Variants in SNX14 observed in about 807,000 individuals in gnomAD.
SNX14 encodes sorting nexin-14.
In SNX14, 93 loss-of-function variants were observed where a neutral mutation model predicts 133.8. That is an observed-to-expected ratio of 0.70 (90% CI 0.59 to 0.83). The LOEUF (loss-of-function observed/expected upper bound fraction) is 0.83. SNX14 is among the 40% of genes least tolerant of loss of function. The pLI is 0.00. For synonymous variants in SNX14, 368 were observed against 365.6 expected, an observed-to-expected ratio of 1.01 and a Z score of -0.07; for missense variants, 945 against 1,094.9, an observed-to-expected ratio of 0.86 and a Z score of 1.93.
intron 26 of SNX14, among the ~76,000 whole-genome samples, chr6:85,511,088 C>A (rs1293169015): frequency 6.6e-6 from 1 of 152,004 alleles, no homozygotes; most frequent in Non-Finnish European, 1.5e-5. Context: ...TCTTTGATTT[C>A]TTTAATTAAA....
chr6:85,506,042 A>G (rs1236785990), intron 28 of SNX14, 37 bp from the exon 29 acceptor site: 1 of 1,378,116 alleles, frequency 7.3e-7, no homozygotes, highest in Non-Finnish European at 1.0e-6. Context: ...AGAAGACAAG[A>G]CACAGGTTCA....
At position 85,526,136 on chromosome 6, in the gene SNX14, A is replaced by T; in HGVS notation, c.2097T>A (p.Asp699Glu). ...TTTAAATTGACTTACCAAGATTTAC[A>T]TCTGGTAGTATCTTATCAAGAAATT... ...ETQFLDKILPDVNLGKIIKSV... is the reference protein window; with the variant it reads ...ETQFLDKILPEVNLGKIIKSV... Residue 699 changes from aspartate (D) to glutamate (E), a missense_variant, in exon 21 of 29, where the codon GAT becomes GAA. Physicochemically the swap from Asp to Glu is conservative, Grantham distance 45 (BLOSUM62 2). Around this residue, in one of 3 missense-constraint regions of SNX14, gnomAD observed 412 missense variants for 516.6 expected, o/e 0.80. Transcript: ENST00000314673. 6.4e-7 allele frequency: 1 copy of T among 1,568,966 alleles called. No homozygotes were observed. The highest frequency in any genetic ancestry group is 8.7e-7 in the Non-Finnish European group (1 of 1,152,462).
chr6:85,539,060 CTT>C (rs1202676151), intron 15 of SNX14, among the ~76,000 whole-genome samples, 196 bp from the exon 16 acceptor site: 1 of 152,106 alleles, frequency 6.6e-6, no homozygotes, highest in South Asian at 2.1e-4. Flanking sequence ...ACATAGCTGT[CTT>C]TTGTGTTTGG....
rs188828882 is a variant in SNX14, at chr6:85,556,114, G to A, written c.634+1862C>T. Among the ~76,000 whole-genome samples, 270 of 152,276 alleles carry A rather than the reference G, an allele frequency of 1.8e-3. 4 individuals carry two copies. Among genetic ancestry groups the A allele is most frequent in the African/African-American group, 6.4e-3 (265 of 41,542 alleles). On this transcript the variant is annotated intron_variant, in intron 7 of 28. Coordinates refer to ENST00000314673, the MANE Select transcript of SNX14 (RefSeq NM_153816.6). ...ATGTAAGATGTTAATACTAGGAAAA[G>A]GTGAGAGTACATGAGAACTCACTGT... is the stretch of plus-strand genomic sequence containing the variant.
intron 17 of SNX14, among the ~76,000 whole-genome samples, chr6:85,536,064 A>T (rs1405040843): frequency 6.6e-6 from 1 of 152,172 alleles, no homozygotes; most frequent in Non-Finnish European, 1.5e-5. Context: ...CGTAACTTGA[A>T]ATACATTATG....
At chr6:85,548,986 AAAG>A (rs1417949831) in intron 8 of SNX14, among the ~76,000 whole-genome samples, 5 of 84,564 alleles carry the variant, frequency 5.9e-5, no homozygotes, top group Admixed American at 1.5e-4. Flanking sequence ...TAAAAAAAAA[AAAG>A]AAAGAAAGAA....
At chr6:85,568,946 C>G (rs1431431422) in intron 4 of SNX14, among the ~76,000 whole-genome samples, 3 of 151,900 alleles carry the variant, frequency 2.0e-5, no homozygotes, top group African/African-American at 7.3e-5. Flanking sequence ...ATTTTATATC[C>G]TAAGTAGTGC....
At position 85,505,697 on chromosome 6, in the gene SNX14, C is replaced by T. The variant is rs1770383633; in HGVS notation, c.*270G>A. ...TATCAGTCTTATCTGTTTGCCATAACATCATTATGAATTTTCTCTTTTAAA... is the reference window on the plus strand; with the variant it reads ...TATCAGTCTTATCTGTTTGCCATAATATCATTATGAATTTTCTCTTTTAAA... On this transcript the variant is annotated 3_prime_UTR_variant, in exon 29 of 29. Transcript: ENST00000314673. 2.4e-6 allele frequency: 1 copy of T among 409,456 alleles called. No homozygotes were observed. The highest frequency in any genetic ancestry group is 5.2e-5 in the East Asian group (1 of 19,218). The allele number at this position is 409,456 out of a possible 1,614,324, so 25.4% of individuals were successfully genotyped here. A position where few individuals can be genotyped will look rare whatever the true frequency, so the allele number is the denominator to read the frequency against.
In SNX14 at chr6:85,529,923, C is replaced by G. The variant is rs1294536415; in HGVS notation, c.1894+269G>C. On this transcript the variant is annotated intron_variant, in intron 19 of 28. Coordinates refer to ENST00000314673, the MANE Select transcript of SNX14 (RefSeq NM_153816.6). ...GAACGAAAAAGAGTAAATAGAGAAC[C>G]CTTTCTAAAATATAGTTTTAAAATA... Among the ~76,000 whole-genome samples the G allele has an allele frequency of 2.0e-5, 3 of 151,668 alleles. No homozygotes were observed. The East Asian group carries it at 5.8e-4, about 29-fold the overall frequency.
intron 6 of SNX14, among the ~76,000 whole-genome samples, chr6:85,560,179 C>T (rs1164955704): frequency 6.6e-6 from 1 of 152,072 alleles, no homozygotes; most frequent in Non-Finnish European, 1.5e-5. Flanking sequence ...CAAAAAAAAA[C>T]TTGTATACAA....
chr6:85,543,131 C>T, intron 14 of SNX14, 51 bp downstream of exon 14: 1 of 1,412,644 alleles, frequency 7.1e-7, no homozygotes, highest in Admixed American at 2.7e-5. Context: ...ATCAAAGCTA[C>T]TATTAAATTA....
At chr6:85,571,842 T>C (rs1795718933) in intron 4 of SNX14, among the ~76,000 whole-genome samples, 1 of 152,242 alleles carries the variant, frequency 6.6e-6, no homozygotes, top group African/African-American at 2.4e-5. Flanking sequence ...CTTTTGGAAT[T>C]ACAAAATGAT....
intron 1 of SNX14, among the ~76,000 whole-genome samples, chr6:85,588,227 G>A (rs1030700041): frequency 6.6e-6 from 1 of 152,098 alleles, no homozygotes; most frequent in South Asian, 2.1e-4. Context: ...AGGTTGCAGT[G>A]AGCCAAGATC....
intron 15 of SNX14, among the ~76,000 whole-genome samples, 157 bp from the exon 16 acceptor site, chr6:85,539,021 G>A (rs1423025556): frequency 6.6e-6 from 1 of 152,140 alleles, no homozygotes; most frequent in East Asian, 1.9e-4. Context: ...AAATCTTCAT[G>A]AATAAGGTGA....
At chr6:85,545,056 G>T (rs1377005272) in intron 12 of SNX14, among the ~76,000 whole-genome samples, 1 of 152,152 alleles carries the variant, frequency 6.6e-6, no homozygotes, top group African/African-American at 2.4e-5. Flanking sequence ...AGGCAGGAGA[G>T]GATGCTCTGA....
At chr6:85,550,478 C>T (rs1179954485) in intron 7 of SNX14, among the ~76,000 whole-genome samples, 1 of 152,116 alleles carries the variant, frequency 6.6e-6, no homozygotes, top group Non-Finnish European at 1.5e-5. Flanking sequence ...CAAAAACTAT[C>T]TTACTCAAAA....
At position 85,572,181 on chromosome 6, in the gene SNX14, G is replaced by T. The variant is rs1166768318; in HGVS notation, c.373C>A (p.Leu125Ile). The T allele has an allele frequency of 1.9e-6, 3 of 1,613,718 alleles. No homozygotes were observed. The highest frequency in any genetic ancestry group is 4.5e-5 in the East Asian group (2 of 44,818). Reference protein sequence around the residue: ...SLLLENYQPWLDLKISSKVDA... With the variant: ...SLLLENYQPWIDLKISSKVDA... ...ACCTTGGAAGAAATTTTCAGGTCTA[G>T]CCATGGCTGGTAGTTTTCAAGTAGC... The change falls in exon 4 of 29, where the codon CTA becomes ATA. Residue 125 changes from leucine (L) to isoleucine (I), a missense_variant. By Grantham distance (5) the Leu-to-Ile change is conservative. This residue lies in a region of SNX14 where 514 missense variants were observed against 538.8 expected (regional missense o/e 0.95). Transcript: ENST00000314673.
chr6:85,570,580 C>G lies in SNX14; in HGVS notation c.417+1557G>C, dbSNP rs115156657. Among the ~76,000 whole-genome samples, 6 of 152,122 alleles carry G rather than the reference C, an allele frequency of 3.9e-5. No homozygotes were observed. The South Asian group carries it at 6.2e-4, about 16-fold the overall frequency. ...ATAAAAAATGAGATACTTGTCCAGG[C>G]GCAGTGGCTGACTCCTATACTACCA... is the stretch of plus-strand genomic sequence containing the variant. On this transcript the variant is annotated intron_variant, in intron 4 of 28. Transcript: ENST00000314673.
intron 7 of SNX14, among the ~76,000 whole-genome samples, chr6:85,551,527 A>C (rs540157499): frequency 6.6e-6 from 1 of 152,322 alleles, no homozygotes; most frequent in African/African-American, 2.4e-5. Context: ...CTGACCAATC[A>C]GATTTTAATC....
Sources: gnomAD v4.1 joint callset for allele counts (sites outside exome capture counted in the v4.1 genomes callset) on GRCh38, gnomAD v4.1.1 for gene constraint, gnomAD v4.1.1 regional missense constraint, MANE v1.5 for transcripts, NCBI Gene and HGNC (gene_info 2026-07-23, HGNC 2026-07-21) for gene names.